Variants in CCDC192 observed in about 807,000 individuals in gnomAD.
CCDC192 encodes coiled-coil domain containing 192.
chr5:127,769,743 C>T (rs1755442034), intron 3 of CCDC192, among the ~76,000 whole-genome samples: 1 of 152,052 alleles, frequency 6.6e-6, no homozygotes, highest in Non-Finnish European at 1.5e-5. Context: ...ATAAGGTGCC[C>T]AGAAAATTGT....
chr5:127,876,974 G>A (rs918219755), intron 6 of CCDC192, among the ~76,000 whole-genome samples: 2 of 152,068 alleles, frequency 1.3e-5, no homozygotes, highest in African/African-American at 2.4e-5. Context: ...AATAAAATCC[G>A]TCACAGAATA....
intron 2 of CCDC192, among the ~76,000 whole-genome samples, chr5:127,717,044 A>G (rs544798678): frequency 9.2e-5 from 14 of 152,308 alleles, no homozygotes; most frequent in Middle Eastern, 3.4e-3. Context: ...TTAAACAGCC[A>G]TAGTGTTATC....
chr5:127,867,020 C>A lies in CCDC192; in HGVS notation c.412-8518C>A, dbSNP rs144012881. On this transcript the variant is annotated intron_variant, in intron 5 of 6. Coordinates refer to ENST00000514853, the MANE Select transcript of CCDC192 (RefSeq NM_001317938.2). ...TTTGTAAGTTGTTTTAAGGCCAGCT[C>A]TTGTACTTCACTGAACCTGTATCAC... Among the ~76,000 whole-genome samples, 275 of 152,294 alleles carry A rather than the reference C, an allele frequency of 1.8e-3. 1 individual carries two copies. The highest frequency in any genetic ancestry group is 6.2e-3 in the African/African-American group (257 of 41,556).
intron 6 of CCDC192, among the ~76,000 whole-genome samples, chr5:127,920,973 G>A (rs1207061783): frequency 6.6e-6 from 1 of 151,850 alleles, no homozygotes; most frequent in African/African-American, 2.4e-5. Context: ...GGAAGGTGAG[G>A]CTGCAGTGAG....
intron 5 of CCDC192, among the ~76,000 whole-genome samples, chr5:127,811,513 T>C (rs80303191): frequency 0.042 from 6,367 of 152,284 alleles, 203 homozygotes; most frequent in Middle Eastern, 0.075. Flanking sequence ...CAGAAATGCT[T>C]AGACAGAAAT....
At chr5:127,823,193 A>G (rs1286602553) in intron 5 of CCDC192, among the ~76,000 whole-genome samples, 1 of 152,158 alleles carries the variant, frequency 6.6e-6, no homozygotes, top group African/African-American at 2.4e-5. Context: ...CAGTAATCTC[A>G]TTGTACAGGT....
chr5:127,933,977 G>T (rs970060314), intron 6 of CCDC192, among the ~76,000 whole-genome samples: 1 of 152,132 alleles, frequency 6.6e-6, no homozygotes, highest in Non-Finnish European at 1.5e-5. Flanking sequence ...ATAAACTAAG[G>T]CATCCTAAGC....
At chr5:127,826,833 A>G (rs369009439) in intron 5 of CCDC192, among the ~76,000 whole-genome samples, 1 of 152,178 alleles carries the variant, frequency 6.6e-6, no homozygotes. Context: ...AAAAAGAAAG[A>G]AATCATTTTA....
intron 3 of CCDC192, among the ~76,000 whole-genome samples, chr5:127,756,136 G>GAA (rs58301453): frequency 2.2e-5 from 3 of 134,376 alleles, no homozygotes; most frequent in African/African-American, 8.0e-5. Context: ...CTGTCTCAAA[G>GAA]AAAAAAAAAA....
intron 6 of CCDC192, among the ~76,000 whole-genome samples, chr5:127,895,068 G>A (rs1197704716): frequency 2.0e-5 from 3 of 152,070 alleles, no homozygotes; most frequent in Non-Finnish European, 4.4e-5. Flanking sequence ...CGTGTGCTGC[G>A]GTATTTTGCT....
rs1750792567 is a variant in CCDC192 at position 127,703,513 on chromosome 5, T to C, written c.62+6T>C. On this transcript the variant is annotated splice_donor_region_variant and intron_variant, in intron 1 of 6. Transcript: ENST00000514853. ...GACACCTCAGAGAGAAGCAGGTGAG[T>C]TCCCAGCTCCTCTCATCCCAAAATA... 1 of 398,748 alleles carries C rather than the reference T, an allele frequency of 2.5e-6. No individual in the cohort carries two copies. The highest frequency in any genetic ancestry group is 4.4e-6 in the Non-Finnish European group (1 of 225,968). The allele number at this position is 398,748 out of a possible 1,614,324, so 24.7% of individuals were successfully genotyped here.
At chr5:127,737,596 T>A (rs1753098818) in intron 2 of CCDC192, among the ~76,000 whole-genome samples, 1 of 151,756 alleles carries the variant, frequency 6.6e-6, no homozygotes, top group African/African-American at 2.4e-5. Flanking sequence ...AGGACTTGCT[T>A]TATGAATCTG....
At chr5:127,849,697 G>A (rs1206346860) in intron 5 of CCDC192, among the ~76,000 whole-genome samples, 1 of 152,192 alleles carries the variant, frequency 6.6e-6, no homozygotes, top group African/African-American at 2.4e-5. Flanking sequence ...ATAAAGAGGT[G>A]GAGAGAGATA....
intron 3 of CCDC192, among the ~76,000 whole-genome samples, chr5:127,767,401 T>C (rs952884311): frequency 1.3e-5 from 2 of 152,226 alleles, no homozygotes; most frequent in African/African-American, 4.8e-5. Context: ...ATAAGATTTA[T>C]AGAAAGTAAA....
At chr5:127,770,553 A>G (rs1755490364) in intron 3 of CCDC192, among the ~76,000 whole-genome samples, 1 of 152,162 alleles carries the variant, frequency 6.6e-6, no homozygotes, top group African/African-American at 2.4e-5. Context: ...GCTGGTGACA[A>G]CTGTAAGTGA....
At chr5:127,930,531 C>G (rs1753999380) in intron 6 of CCDC192, among the ~76,000 whole-genome samples, 1 of 152,208 alleles carries the variant, frequency 6.6e-6, no homozygotes, top group Non-Finnish European at 1.5e-5. Flanking sequence ...TCAGGTCCTA[C>G]TCATAGGAGG....
intron 6 of CCDC192, among the ~76,000 whole-genome samples, chr5:127,939,647 G>T (rs1754313226): frequency 6.6e-6 from 1 of 150,978 alleles, no homozygotes; most frequent in Non-Finnish European, 1.5e-5. Flanking sequence ...TGTGATGACT[G>T]CCAATTAATT....
At chr5:127,864,372 C>T (rs72792206) in intron 5 of CCDC192, among the ~76,000 whole-genome samples, 5,471 of 152,228 alleles carry the variant, frequency 0.036, 151 homozygotes, top group Middle Eastern at 0.058. Flanking sequence ...ACCTGCTATC[C>T]GTGCATATCT....
At chr5:127,787,011 C>T (rs1329290842) in intron 3 of CCDC192, 1 of 331,796 alleles carries the variant, frequency 3.0e-6, no homozygotes, top group Non-Finnish European at 5.9e-6. Flanking sequence ...TGCTTCAGGC[C>T]ATGGGGGTTC....
Sources: allele counts gnomAD v4.1 joint callset (sites outside exome capture counted in the v4.1 genomes callset), GRCh38; gene constraint gnomAD v4.1.1; transcripts MANE v1.5; gene names NCBI Gene and HGNC (gene_info 2026-07-23, HGNC 2026-07-21).